The following CSMD3 variants were observed in gnomAD, a reference collection of about 807,000 sequenced individuals.
The protein encoded by CSMD3 is CUB and Sushi multiple domains 3.
CSMD3 carries 177 observed loss-of-function variants against 435.2 expected under a neutral mutation model. That is an observed-to-expected ratio of 0.41 (90% CI 0.36 to 0.46). CSMD3 has a LOEUF of 0.46. Among genes scored for constraint, CSMD3 ranks in the 20% least tolerant of loss-of-function variants. The probability of loss-of-function intolerance (pLI) is 0.34; values close to 1 mark genes in which losing one functional copy is unlikely to be tolerated. For synonymous variants in CSMD3, 1,656 were observed against 1,520.5 expected, an observed-to-expected ratio of 1.09 and a Z score of -2.07; for missense variants, 4,265 against 4,504.6, an observed-to-expected ratio of 0.95 and a Z score of 1.52.
intron 17 of CSMD3, among the ~76,000 whole-genome samples, chr8:112,660,426 T>C (rs1180959255): frequency 6.6e-6 from 1 of 152,170 alleles, no homozygotes; most frequent in Non-Finnish European, 1.5e-5. Flanking sequence ...CTGCTAACCA[T>C]GTGATATCTG....
At chr8:112,555,386 A>G (rs1190689813) in intron 25 of CSMD3, among the ~76,000 whole-genome samples, 3 of 151,994 alleles carry the variant, frequency 2.0e-5, no homozygotes, top group Non-Finnish European at 4.4e-5. Flanking sequence ...CATTTATGGT[A>G]TTGTGCTATT....
intron 3 of CSMD3, among the ~76,000 whole-genome samples, chr8:113,241,181 A>G (rs898142174): frequency 1.3e-5 from 2 of 152,140 alleles, no homozygotes; most frequent in Admixed American, 1.3e-4. Context: ...GACATTTCTA[A>G]TCTCAAATAA....
At chr8:112,284,393 C>A (rs1818970906) in intron 58 of CSMD3, among the ~76,000 whole-genome samples, 1 of 151,378 alleles carries the variant, frequency 6.6e-6, no homozygotes, top group African/African-American at 2.4e-5. Flanking sequence ...GTAAAAATAC[C>A]AATAATTTCA....
At chr8:112,566,523 G>C (rs1385247272) in intron 24 of CSMD3, among the ~76,000 whole-genome samples, 2 of 152,064 alleles carry the variant, frequency 1.3e-5, no homozygotes, top group East Asian at 3.9e-4. Flanking sequence ...CAGATAGTGA[G>C]GGTATGGGAA....
intron 16 of CSMD3, among the ~76,000 whole-genome samples, chr8:112,678,889 T>G (rs1038162452): frequency 1.3e-5 from 2 of 152,048 alleles, no homozygotes; most frequent in Non-Finnish European, 2.9e-5. Context: ...TTAACGTTTG[T>G]TAACATTTGT....
chr8:112,663,939 G>A (rs1193470230), intron 17 of CSMD3, among the ~76,000 whole-genome samples: 1 of 152,078 alleles, frequency 6.6e-6, no homozygotes, highest in East Asian at 1.9e-4. Context: ...GCACCCCCAG[G>A]CATTCTTTGA....
chr8:112,693,906 CATTTATAT>C (rs2076194399), intron 13 of CSMD3, among the ~76,000 whole-genome samples: 1 of 151,422 alleles, frequency 6.6e-6, no homozygotes, highest in Non-Finnish European at 1.5e-5. Flanking sequence ...TATACACACA[CATTTATAT>C]ATTTATATAT....
At chr8:112,944,508 A>G (rs184523627) in intron 9 of CSMD3, among the ~76,000 whole-genome samples, 204 of 151,836 alleles carry the variant, frequency 1.3e-3, no homozygotes, top group South Asian at 5.0e-3. Flanking sequence ...TTGATTTCCT[A>G]ATGACTACAA....
chr8:112,603,122 C>T (rs141317804), intron 22 of CSMD3, among the ~76,000 whole-genome samples: 227 of 152,316 alleles, frequency 1.5e-3, no homozygotes, highest in Non-Finnish European at 2.9e-3. Flanking sequence ...AGGTGATACA[C>T]CCACCTCGCC....
intron 38 of CSMD3, among the ~76,000 whole-genome samples, chr8:112,376,936 C>G (rs1478151585): frequency 6.6e-6 from 1 of 151,946 alleles, no homozygotes; most frequent in Non-Finnish European, 1.5e-5. Context: ...CCACAGTTAC[C>G]CAAACACTCA....
intron 63 of CSMD3, 149 bp from the exon 64 acceptor site, chr8:112,247,280 A>G: frequency 1.5e-6 from 1 of 645,594 alleles, no homozygotes; most frequent in Non-Finnish European, 2.7e-6. Context: ...TTAAAATAAA[A>G]TGGGAAAAAT....
At chr8:112,276,681 C>T (rs1818077001) in intron 59 of CSMD3, among the ~76,000 whole-genome samples, 1 of 152,130 alleles carries the variant, frequency 6.6e-6, no homozygotes. Context: ...GCCATGACTT[C>T]AGAGTGTACA....
chr8:112,864,876 C>T (rs1373446748), intron 10 of CSMD3, among the ~76,000 whole-genome samples: 1 of 152,046 alleles, frequency 6.6e-6, no homozygotes, highest in Admixed American at 6.5e-5. Context: ...ACTTTTAGTG[C>T]TTTAGACAGA....
intron 2 of CSMD3, among the ~76,000 whole-genome samples, chr8:113,289,637 C>T (rs114774516): frequency 0.014 from 2,086 of 151,358 alleles, 31 homozygotes; most frequent in African/African-American, 0.04. Context: ...ATTGAGTCAA[C>T]TGACTTCCTC....
intron 58 of CSMD3, among the ~76,000 whole-genome samples, chr8:112,285,074 A>G (rs1819044885): frequency 6.6e-6 from 1 of 151,994 alleles, no homozygotes; most frequent in Admixed American, 6.6e-5. Flanking sequence ...TGTGTAAGTG[A>G]TTGGTATCAG....
At chr8:112,458,305 T>TATTTCAA (rs5894085) in intron 32 of CSMD3, among the ~76,000 whole-genome samples, 64,496 of 151,310 alleles carry the variant, frequency 0.43, 14,714 homozygotes, top group Middle Eastern at 0.6. Flanking sequence ...AAGCCTAAAA[T>TATTTCAA]ATTTTTTAAA....
intron 30 of CSMD3, among the ~76,000 whole-genome samples, chr8:112,494,492 CTCCTTTCTTTCTTTCTTTCTTTCTTTCTT>C (rs1821059030): frequency 1.3e-5 from 1 of 76,666 alleles, no homozygotes. Context: ...GTTTCTTTCT[CTCCTTTCTTTCTTTCTTTCTTTCTTTCTT>C]TCTTTCTTTC....
chr8:112,854,070 A>G (rs2080576512), intron 11 of CSMD3, among the ~76,000 whole-genome samples: 1 of 152,164 alleles, frequency 6.6e-6, no homozygotes, highest in Non-Finnish European at 1.5e-5. Context: ...TGAAAAAAGG[A>G]TGGTATCTGT....
chr8:112,468,607 G>A (rs770657985), intron 32 of CSMD3, among the ~76,000 whole-genome samples: 1 of 151,700 alleles, frequency 6.6e-6, no homozygotes, highest in Non-Finnish European at 1.5e-5. Flanking sequence ...TTATCTATAC[G>A]AAATGAAAAG....
Sources: allele counts gnomAD v4.1 joint callset (sites outside exome capture counted in the v4.1 genomes callset), GRCh38; gene constraint gnomAD v4.1.1; transcripts MANE v1.5; gene names NCBI Gene and HGNC (gene_info 2026-07-23, HGNC 2026-07-21).